The following DLC1 variants were observed in gnomAD, a reference collection of about 807,000 sequenced individuals.
DLC1 encodes the protein DLC1 Rho GTPase activating protein.
Under a neutral mutation model 140.3 loss-of-function variants are expected in DLC1, and 54 were observed. The ratio of observed to expected loss-of-function variants is 0.38; its 90% CI spans 0.31 to 0.48. The LOEUF is 0.48. Among genes scored for constraint, DLC1 ranks in the 20% least tolerant of loss-of-function variants. DLC1 has a pLI of 0.96. For synonymous variants in DLC1, 986 were observed against 728.1 expected (o/e 1.35, Z -5.70); for missense variants, 2,536 against 1,907.0 (o/e 1.33, Z -6.14).
At chr8:13,498,685 T>G (rs1339467182) in intron 2 of DLC1, among the ~76,000 whole-genome samples, 1 of 152,196 alleles carries the variant, frequency 6.6e-6, no homozygotes, top group African/African-American at 2.4e-5. Flanking sequence ...AACAGTACCA[T>G]GACTTTCTTT....
intron 1 of DLC1, among the ~76,000 whole-genome samples, chr8:13,533,236 A>T (rs930760463): frequency 1.8e-5 from 1 of 54,758 alleles, no homozygotes; most frequent in Non-Finnish European, 4.0e-5. Flanking sequence ...ATTGAGTAGA[A>T]TAATCGTTGT....
At chr8:13,365,165 G>T (rs1835421621) in intron 4 of DLC1, among the ~76,000 whole-genome samples, 1 of 152,164 alleles carries the variant, frequency 6.6e-6, no homozygotes, top group African/African-American at 2.4e-5. Context: ...ACTGGACTTT[G>T]CACAGGTCGA....
chr8:13,525,181 G>C (rs1481049333), intron 1 of DLC1, among the ~76,000 whole-genome samples: 1 of 152,078 alleles, frequency 6.6e-6, no homozygotes, highest in African/African-American at 2.4e-5. Context: ...TTTTACTGTT[G>C]ATTAGTATTT....
chr8:13,584,646 C>G (rs1020609120), intron 1 of DLC1: 1 of 152,124 alleles, frequency 6.6e-6, no homozygotes, highest in Non-Finnish European at 1.5e-5. Context: ...TGCAAGATTC[C>G]TGATGAGAGA....
chr8:13,292,277 C>G (rs191609097), intron 5 of DLC1, among the ~76,000 whole-genome samples: 32 of 152,230 alleles, frequency 2.1e-4, no homozygotes, highest in African/African-American at 7.7e-4. Context: ...CAGGCCACTC[C>G]CTACATGTGG....
At chr8:13,573,510 G>T (rs1804736847) in intron 1 of DLC1, among the ~76,000 whole-genome samples, 1 of 152,174 alleles carries the variant, frequency 6.6e-6, no homozygotes, top group South Asian at 2.1e-4. Context: ...AGGTGTGAAA[G>T]TGGAATCTTT....
chr8:13,525,223 C>G (rs1009726729), intron 1 of DLC1, among the ~76,000 whole-genome samples: 6 of 152,146 alleles, frequency 3.9e-5, no homozygotes, highest in African/African-American at 1.4e-4. Context: ...TTTATTTATC[C>G]AGTCATCTGG....
chr8:13,374,481 C>G (rs989965564), intron 4 of DLC1, among the ~76,000 whole-genome samples: 3 of 152,090 alleles, frequency 2.0e-5, no homozygotes, highest in Non-Finnish European at 4.4e-5. Context: ...CCAAAATTAT[C>G]TTTTGTAAGA....
At chr8:13,374,218 T>C (rs1835858613) in intron 4 of DLC1, among the ~76,000 whole-genome samples, 1 of 152,212 alleles carries the variant, frequency 6.6e-6, no homozygotes, top group Non-Finnish European at 1.5e-5. Flanking sequence ...GATTCAGATC[T>C]GCTACAGTGG....
chr8:13,588,343 T>G (rs970344517), intron 1 of DLC1, among the ~76,000 whole-genome samples: 21 of 152,054 alleles, frequency 1.4e-4, no homozygotes, highest in African/African-American at 4.6e-4. Flanking sequence ...GAGAGGTTTG[T>G]CAGAATGAGG....
At chr8:13,155,442 G>A (rs1824184178) in intron 5 of DLC1, among the ~76,000 whole-genome samples, 1 of 151,572 alleles carries the variant, frequency 6.6e-6, no homozygotes, top group Non-Finnish European at 1.5e-5. Context: ...AAATGTTCTA[G>A]TTTATACATT....
rs1477507082 is a variant in DLC1, at chr8:13,090,382, T to C, written c.3944A>G (p.Asn1315Ser). ...GTGTTGGTAGTCAGCTGAGTCATCA[T>C]TACCCAGGTGCCCGAGTGCTTCCAG... ...LTLEALGHLGNDDSADYQHFL... is the reference protein window; with the variant it reads ...LTLEALGHLGSDDSADYQHFL... Residue 1315 changes from asparagine (N) to serine (S), a missense_variant, in exon 15 of 18, where the codon AAT (asparagine) becomes AGT (serine). Transcript: ENST00000276297. 4 of 1,614,214 alleles carry C rather than the reference T, an allele frequency of 2.5e-6. No individual in the cohort carries two copies. In the South Asian group the frequency reaches 3.3e-5, roughly 13 times the overall value.
intron 1 of DLC1, among the ~76,000 whole-genome samples, chr8:13,505,252 G>A (rs1283237552): frequency 6.6e-6 from 1 of 152,028 alleles, no homozygotes; most frequent in Non-Finnish European, 1.5e-5. Context: ...CAGTGCATAG[G>A]ATTCTGTGAG....
At chr8:13,166,377 G>A (rs1024007972) in intron 5 of DLC1, among the ~76,000 whole-genome samples, 2 of 152,036 alleles carry the variant, frequency 1.3e-5, no homozygotes, top group Non-Finnish European at 2.9e-5. Context: ...GGTCTGCTCT[G>A]TATCCCAGGC....
At chr8:13,480,548 C>T (rs974756418) in intron 2 of DLC1, among the ~76,000 whole-genome samples, 1 of 152,026 alleles carries the variant, frequency 6.6e-6, no homozygotes, top group Non-Finnish European at 1.5e-5. Flanking sequence ...AATCTTTATC[C>T]TATAGGTGAA....
Position 13,424,563 on chromosome 8 carries a change from C to G in DLC1, c.1024-22944G>C, listed in dbSNP as rs535405971. The stretch of plus-strand genomic sequence containing the variant: ...TTAAGATCTTCCTTGTGCTGTTGGT[C>G]CAAAATTTGTAATTTTTTTTTCTTT... On this transcript the variant is annotated intron_variant, in intron 2 of 17. Coordinates refer to ENST00000276297, the MANE Select transcript of DLC1 (RefSeq NM_182643.3). Among the ~76,000 whole-genome samples, 2 of 152,098 alleles carry G rather than the reference C, an allele frequency of 1.3e-5. 1 individual carries two copies. Among genetic ancestry groups the G allele is most frequent in the African/African-American group, 4.8e-5 (2 of 41,518 alleles).
chr8:13,468,813 T>TTTC (rs1800070712), intron 2 of DLC1, among the ~76,000 whole-genome samples: 1 of 49,440 alleles, frequency 2.0e-5, no homozygotes, highest in Non-Finnish European at 5.0e-5. Context: ...TATGTCTGCT[T>TTTC]TTTTTTTTTT....
intron 5 of DLC1, among the ~76,000 whole-genome samples, chr8:13,231,205 C>A (rs574640763): frequency 6.6e-6 from 1 of 151,750 alleles, no homozygotes; most frequent in African/African-American, 2.4e-5. Flanking sequence ...CCTTTTAAAT[C>A]CTGACAGGAA....
Position 13,204,874 on chromosome 8 carries a change from A to T in DLC1, c.1349-89217T>A, listed in dbSNP as rs73663643. On this transcript the variant is annotated intron_variant, in intron 5 of 17. Coordinates refer to ENST00000276297, the MANE Select transcript of DLC1 (RefSeq NM_182643.3). ...GGTCAGATTCCTGCATTGCCTTTAC[A>T]TATAACTAAGTGGAAAGAAAGCTTT... Among the ~76,000 whole-genome samples the T allele has an allele frequency of 9.8e-4, 150 of 152,306 alleles. 1 individual carries two copies. The highest frequency in any genetic ancestry group is 3.2e-3 in the African/African-American group (131 of 41,574).
Sources: allele counts gnomAD v4.1 joint callset (sites outside exome capture counted in the v4.1 genomes callset), GRCh38; gene constraint gnomAD v4.1.1; transcripts MANE v1.5; gene names NCBI Gene and HGNC (gene_info 2026-07-23, HGNC 2026-07-21).